DGKH: variants seen among roughly 807,000 people sequenced by gnomAD.
DGKH encodes diacylglycerol kinase eta.
DGKH carries 90 observed loss-of-function variants against 159.3 expected under a neutral mutation model. The ratio of observed to expected loss-of-function variants is 0.57; its 90% confidence interval spans 0.48 to 0.67. The LOEUF (loss-of-function observed/expected upper bound fraction) is 0.67, where lower values mean the gene tolerates loss of function less well. Ranked by LOEUF, DGKH falls within the 30% of genes least tolerant of loss-of-function variation. The pLI, the probability that DGKH is intolerant of heterozygous loss-of-function variation, is 0.00. For synonymous variants in DGKH, 536 were observed against 553.8 expected (o/e 0.97, Z 0.45); for missense variants, 1,181 against 1,506.1 (o/e 0.78, Z 3.57).
At chr13:42,051,851 G>A (rs1881342567) in intron 1 of DGKH, among the ~76,000 whole-genome samples, 1 of 151,994 alleles carries the variant, frequency 6.6e-6, no homozygotes, top group Non-Finnish European at 1.5e-5. Flanking sequence ...TTTTAGTAAA[G>A]ATGGGGTTTC....
rs903777047 is a variant in DGKH at position 42,241,605 on chromosome 13, C to T, written c.*12417C>T. On this transcript the variant is annotated 3_prime_UTR_variant, in exon 30 of 30. Coordinates refer to ENST00000337343, the MANE Select transcript of DGKH (RefSeq NM_178009.5). ...GGCATATATGCCTTTTGATGACACACACACCAAAATATATAAGAGCTGTGC... is the reference window on the plus strand; with the variant it reads ...GGCATATATGCCTTTTGATGACACATACACCAAAATATATAAGAGCTGTGC... 3.9e-5 allele frequency: 6 copies of T among 152,174 alleles called. No individual in the cohort carries two copies. Among genetic ancestry groups the T allele is most frequent in the African/African-American group, 1.4e-4 (6 of 41,444 alleles). 9.4% of individuals were successfully genotyped at this position (152,174 alleles called of 1,614,324 possible).
At position 42,229,142 on chromosome 13, in the gene DGKH, A is replaced by T. The variant is rs774162562; in HGVS notation, c.3617A>T (p.Gln1206Leu). The T allele has an allele frequency of 6.2e-7, 1 of 1,611,604 alleles. No individual in the cohort carries two copies. Among genetic ancestry groups the T allele is most frequent in the Non-Finnish European group, 8.5e-7 (1 of 1,179,348 alleles). The change falls in exon 30 of 30, where the codon CAG becomes CTG. Residue 1206 changes from glutamine to leucine, a missense_variant. By Grantham distance (113) the Gln-to-Leu change is moderately radical. Coordinates refer to ENST00000337343, the MANE Select transcript of DGKH (RefSeq NM_178009.5). ...PKVGHVKRIL[Q>L]GIKELGRSTP... ...GTGGGTCATGTGAAGCGAATTCTCC[A>T]GGGAATTAAAGAGCTTGGAAGGAGC...
In DGKH at chr13:42,242,509, C is replaced by T. The variant is rs528512961; in HGVS notation, c.*13321C>T. On this transcript the variant is annotated 3_prime_UTR_variant, in exon 30 of 30. Transcript: ENST00000337343. The stretch of plus-strand genomic sequence containing the variant: ...ATTACTTTTAGTAATGGTAAGACAA[C>T]GTGAGTTTTGTTTGTTTACATGCTG... 95 of 152,198 alleles carry T rather than the reference C, an allele frequency of 6.2e-4. No individual in the cohort carries two copies. Among genetic ancestry groups the T allele is most frequent in the African/African-American group, 2.2e-3 (90 of 41,526 alleles). The allele number at this position is 152,198 out of a possible 1,614,324, so 9.4% of individuals were successfully genotyped here. A position where few individuals can be genotyped will look rare whatever the true frequency, so the allele number is the denominator to read the frequency against.
chr13:42,176,962 T>G (rs1340489200), intron 12 of DGKH, among the ~76,000 whole-genome samples: 2 of 152,260 alleles, frequency 1.3e-5, no homozygotes, highest in Admixed American at 1.3e-4. Flanking sequence ...AAAGGGATTA[T>G]GGATGCTTTT....
intron 1 of DGKH, among the ~76,000 whole-genome samples, chr13:42,059,905 C>CTTTTTTTTTT (rs11357293): frequency 2.9e-5 from 4 of 139,812 alleles, no homozygotes; most frequent in Non-Finnish European, 4.6e-5. Context: ...TCTCTTTTTT[C>CTTTTTTTTTT]TTTTTTTTTT....
chr13:42,245,143 T>C (rs185220297), downstream of DGKH, among the ~76,000 whole-genome samples: 1 of 152,210 alleles, frequency 6.6e-6, no homozygotes, highest in Non-Finnish European at 1.5e-5. Flanking sequence ...CTTGCATTAG[T>C]TCTAAATGAG....
chr13:42,151,339 T>A (rs1330956403), intron 3 of DGKH, among the ~76,000 whole-genome samples: 1 of 151,790 alleles, frequency 6.6e-6, no homozygotes, highest in Non-Finnish European at 1.5e-5. Context: ...TACACATTAT[T>A]TAACTCCCAC....
At chr13:42,132,203 A>G (rs1376295870) in intron 3 of DGKH, among the ~76,000 whole-genome samples, 1 of 152,204 alleles carries the variant, frequency 6.6e-6, no homozygotes, top group African/African-American at 2.4e-5. Flanking sequence ...GTTTCGATAT[A>G]TGCAATGTAC....
intron 1 of DGKH, chr13:42,070,776 A>G: frequency 1.9e-6 from 3 of 1,558,840 alleles, no homozygotes; most frequent in Non-Finnish European, 2.6e-6. Context: ...ACTCCTGAAC[A>G]ATGTAAACAC....
In DGKH at chr13:42,219,334, C is replaced by G; in HGVS notation, c.3318C>G (p.His1106Gln). The change falls in exon 27 of 30, where the codon CAC (histidine) becomes CAG (glutamine). Residue 1106 changes from histidine (H) to glutamine (Q), a missense_variant. Around this residue, in one of 5 missense-constraint regions of DGKH, gnomAD observed 335 missense variants for 495.2 expected, o/e 0.68. Coordinates refer to ENST00000337343, the MANE Select transcript of DGKH (RefSeq NM_178009.5). ...TTCCTTGGCTTTATTATATCTTACACCCAAATGAGGATGAGGTATGTAAAA... is the reference window on the plus strand; with the variant it reads ...TTCCTTGGCTTTATTATATCTTACAGCCAAATGAGGATGAGGTATGTAAAA... ...TEIPWLYYIL[H>Q]PNEDEEPPMD... is the part of the protein sequence containing the mutation. 2 of 1,613,770 alleles carry G rather than the reference C, an allele frequency of 1.2e-6. No individual in the cohort carries two copies. Among genetic ancestry groups the G allele is most frequent in the South Asian group, 1.1e-5 (1 of 91,070 alleles).
chr13:42,186,668 A>G (rs548443128), intron 13 of DGKH, among the ~76,000 whole-genome samples: 27 of 152,352 alleles, frequency 1.8e-4, no homozygotes, highest in Admixed American at 6.5e-4. Flanking sequence ...GACAAGTGAC[A>G]ATCTTATTTT....
rs1406939094 is a variant in DGKH, at chr13:42,230,360, CACTT to C, written c.*1174_*1177del. 8 of 152,126 alleles carry C rather than the reference CACTT, an allele frequency of 5.3e-5. No individual in the cohort carries two copies. Among genetic ancestry groups the C allele is most frequent in the African/African-American group, 1.7e-4 (7 of 41,526 alleles). The allele number at this position is 152,126 out of a possible 1,614,324, so 9.4% of individuals were successfully genotyped here. On this transcript the variant is annotated 3_prime_UTR_variant, in exon 30 of 30. Transcript: ENST00000337343. ...CTTTATGTTGTTATTATTATTATCT[CACTT>C]AATTCTTAATTCTTATCAGGTGGAT...
At position 42,106,094 on chromosome 13, in the gene DGKH, G is replaced by A. The variant is rs1002736133; in HGVS notation, c.193-21369G>A. ...ACAATCTTGGCTCACTGCAACCTTC[G>A]CCTCCTTGGTTCAAGTGATGGTCCT... On this transcript the variant is annotated intron_variant, in intron 1 of 29. Coordinates refer to ENST00000337343, the MANE Select transcript of DGKH (RefSeq NM_178009.5). 1.3e-4 allele frequency among the ~76,000 whole-genome samples: 20 copies of A among 151,634 alleles called. No individual in the cohort carries two copies. In the East Asian group the frequency reaches 3.5e-3, roughly 27 times the overall value.
At chr13:42,100,909 T>TA (rs1156559848) in intron 1 of DGKH, among the ~76,000 whole-genome samples, 28 of 152,374 alleles carry the variant, frequency 1.8e-4, no homozygotes, top group African/African-American at 6.7e-4. Context: ...CAAGTAGACT[T>TA]ACTAGTTACA....
intron 2 of DGKH, among the ~76,000 whole-genome samples, chr13:42,128,133 A>C (rs1955209431): frequency 6.6e-6 from 1 of 152,232 alleles, no homozygotes; most frequent in South Asian, 2.1e-4. Flanking sequence ...AGCAATTAGG[A>C]ATACAAATCA....
In DGKH at chr13:42,174,041, A is replaced by G. The variant is rs765045328; in HGVS notation, c.1368-19A>G. On this transcript the variant is annotated intron_variant, in intron 11 of 29. Coordinates refer to ENST00000337343, the MANE Select transcript of DGKH (RefSeq NM_178009.5). The stretch of plus-strand genomic sequence containing the variant: ...CAATTTTAAGGAAATCTTTGACCAA[A>G]GAGTTTTTCTCCCTTCAGGTGGAGT... 6.2e-7 allele frequency: 1 copy of G among 1,601,470 alleles called. No homozygotes were observed. Among genetic ancestry groups the G allele is most frequent in the African/African-American group, 1.3e-5 (1 of 74,230 alleles).
chr13:42,214,657 T>C (rs576465071), intron 25 of DGKH, 45 bp downstream of exon 25: 2 of 1,585,984 alleles, frequency 1.3e-6, no homozygotes, highest in African/African-American at 2.7e-5. Context: ...TTCTTTTGGG[T>C]GTTACACATG....
chr13:42,051,646 CTTTTTTTTTTTTTTTTTTTTT>C (rs56413015), intron 1 of DGKH, among the ~76,000 whole-genome samples: 4 of 50,130 alleles, frequency 8.0e-5, no homozygotes, highest in African/African-American at 3.0e-4. Context: ...TCAAAGCCAT[CTTTTTTTTTTTTTTTTTTTTT>C]TTTTTTTTTG....
In DGKH at chr13:42,242,310, T is replaced by G. The variant is rs543309962; in HGVS notation, c.*13122T>G. 6.6e-6 allele frequency: 1 copy of G among 152,232 alleles called. No homozygotes were observed. The highest frequency in any genetic ancestry group is 2.4e-5 in the African/African-American group (1 of 41,464). 9.4% of individuals were successfully genotyped at this position (152,232 alleles called of 1,614,324 possible). A position where few individuals can be genotyped will look rare whatever the true frequency, so the allele number is the denominator to read the frequency against. ...TATTTATAGTTAGGAATTTACTACATTTTGGTAGTCTGTTTTGAAACTAAG... is the reference window on the plus strand; with the variant it reads ...TATTTATAGTTAGGAATTTACTACAGTTTGGTAGTCTGTTTTGAAACTAAG... On this transcript the variant is annotated 3_prime_UTR_variant, in exon 30 of 30. Coordinates refer to ENST00000337343, the MANE Select transcript of DGKH (RefSeq NM_178009.5).
Sources: gnomAD v4.1 joint callset for allele counts (sites outside exome capture counted in the v4.1 genomes callset) on GRCh38, gnomAD v4.1.1 for gene constraint, gnomAD v4.1.1 regional missense constraint, MANE v1.5 for transcripts, NCBI Gene and HGNC (gene_info 2026-07-23, HGNC 2026-07-21) for gene names.